BAZ1A: variants seen among roughly 807,000 people sequenced by gnomAD.
The protein encoded by BAZ1A is bromodomain adjacent to zinc finger domain 1A.
BAZ1A carries 50 observed loss-of-function variants against 185.2 expected under a neutral mutation model. The observed-to-expected ratio is 0.27, with a 90% CI of 0.22 to 0.34. BAZ1A has a LOEUF of 0.34. Ranked by LOEUF, BAZ1A falls within the 10% of genes least tolerant of loss-of-function variation. The pLI is 1.00. For synonymous variants in BAZ1A, 571 were observed against 615.6 expected (o/e 0.93, Z 1.07); for missense variants, 1,356 against 1,839.9 (o/e 0.74, Z 4.81).
chr14:34,753,371 T>C lies in BAZ1A; in HGVS notation c.*137A>G, dbSNP rs1006157862. 1 of 811,506 alleles carries C rather than the reference T, an allele frequency of 1.2e-6. No individual in the cohort carries two copies. Among genetic ancestry groups the C allele is most frequent in the Admixed American group, 2.6e-5 (1 of 38,448 alleles). The allele number at this position is 811,506 out of a possible 1,614,324, so 50.3% of individuals were successfully genotyped here. ...TTCCTACATTCTCCTGAGTGCTTAATATTAAAATTGAGAATATAGTGCAGG... is the reference window on the plus strand; with the variant it reads ...TTCCTACATTCTCCTGAGTGCTTAACATTAAAATTGAGAATATAGTGCAGG... On this transcript the variant is annotated 3_prime_UTR_variant, in exon 27 of 27. Transcript: ENST00000360310.
chr14:34,870,627 T>G (rs1324658482), intron 2 of BAZ1A, among the ~76,000 whole-genome samples: 1 of 152,200 alleles, frequency 6.6e-6, no homozygotes, highest in African/African-American at 2.4e-5. Flanking sequence ...GGCAGCCAGT[T>G]TAAATTCCAG....
intron 4 of BAZ1A, among the ~76,000 whole-genome samples, chr14:34,822,296 A>AAAAAC (rs1307120474): frequency 2.6e-5 from 4 of 152,110 alleles, no homozygotes; most frequent in Admixed American, 2.0e-4. Context: ...TCTGTCTCAA[A>AAAAAC]AAAACAAAAC....
chr14:34,852,253 A>G (rs574841593), intron 3 of BAZ1A, among the ~76,000 whole-genome samples: 1 of 152,338 alleles, frequency 6.6e-6, no homozygotes, highest in Admixed American at 6.5e-5. Flanking sequence ...CAATAGGGGA[A>G]TTTGATTCCA....
chr14:34,768,868 T>A (rs968023589), intron 21 of BAZ1A: 11 of 265,546 alleles, frequency 4.1e-5, no homozygotes, highest in Non-Finnish European at 7.4e-5. Flanking sequence ...AATAACAGAA[T>A]TATCAATCTT....
intron 3 of BAZ1A, among the ~76,000 whole-genome samples, chr14:34,852,260 T>G (rs768044098): frequency 2.0e-5 from 3 of 152,200 alleles, no homozygotes; most frequent in Non-Finnish European, 2.9e-5. Flanking sequence ...GGAATTTGAT[T>G]CCAAGTTGTA....
intron 3 of BAZ1A, among the ~76,000 whole-genome samples, chr14:34,857,689 T>C (rs2042704814): frequency 6.6e-6 from 1 of 152,252 alleles, no homozygotes; most frequent in Non-Finnish European, 1.5e-5. Context: ...AAGCCTGTTG[T>C]AGTAGCCTCC....
At chr14:34,758,960 C>A in intron 24 of BAZ1A, 114 bp from the exon 25 acceptor site, 1 of 986,344 alleles carries the variant, frequency 1.0e-6, no homozygotes, top group Non-Finnish European at 1.5e-6. Flanking sequence ...ACTCCGTACA[C>A]TGAGATGTTA....
At chr14:34,825,900 T>A (rs1277004885) in intron 4 of BAZ1A, 113 bp downstream of exon 4, 1 of 1,079,754 alleles carries the variant, frequency 9.3e-7, no homozygotes, top group Non-Finnish European at 1.3e-6. Context: ...ATCGAGCCAC[T>A]GTACTCCAGC....
At chr14:34,810,652 G>C (rs184569674) in intron 5 of BAZ1A, among the ~76,000 whole-genome samples, 2 of 151,798 alleles carry the variant, frequency 1.3e-5, no homozygotes, top group Non-Finnish European at 2.9e-5. Context: ...TAGAGACAGG[G>C]TCTTGCCACG....
intron 4 of BAZ1A, among the ~76,000 whole-genome samples, chr14:34,820,250 C>T (rs888753703): frequency 7.3e-5 from 11 of 151,472 alleles, no homozygotes; most frequent in African/African-American, 2.7e-4. Flanking sequence ...CTCAGCCTCC[C>T]GAGTAGCTGG....
intron 3 of BAZ1A, among the ~76,000 whole-genome samples, chr14:34,853,765 C>T (rs138908172): frequency 0.022 from 3,276 of 152,092 alleles, 135 homozygotes; most frequent in African/African-American, 0.075. Context: ...CCAGCCAGGG[C>T]GACAGAGCAA....
At chr14:34,820,264 T>C (rs1244867454) in intron 4 of BAZ1A, among the ~76,000 whole-genome samples, 1 of 151,422 alleles carries the variant, frequency 6.6e-6, no homozygotes, top group Non-Finnish European at 1.5e-5. Context: ...TAGCTGGGAC[T>C]ACAGGCACAC....
At position 34,753,551 on chromosome 14, in the gene BAZ1A, T is replaced by G. The variant is rs377354002; in HGVS notation, c.4628A>C (p.Asp1543Ala). 8.7e-6 allele frequency: 14 copies of G among 1,613,992 alleles called. No homozygotes were observed. The highest frequency in any genetic ancestry group is 1.2e-5 in the Non-Finnish European group (14 of 1,180,016). Residue 1543 changes from aspartate (D) to alanine (A), a missense_variant, in exon 27 of 27, where the codon GAC becomes GCC. Physicochemically the swap from Asp to Ala is moderately radical, Grantham distance 126. Around this residue, in one of 7 missense-constraint regions of BAZ1A, gnomAD observed 25 missense variants for 20.1 expected, o/e 1.24. Transcript: ENST00000360310. ...CGCAGCCGGTGGTGTGCTAACTTGG[T>G]CCACATTACTGGGTGTGACGTGGAG... is the stretch of plus-strand genomic sequence containing the variant. ...LGLHVTPSNV[D>A]QVSTPPAAKK...
At chr14:34,806,392 C>T (rs1186073875) in intron 6 of BAZ1A, among the ~76,000 whole-genome samples, 1 of 152,028 alleles carries the variant, frequency 6.6e-6, no homozygotes, top group Non-Finnish European at 1.5e-5. Context: ...ATTACTTTAT[C>T]ACCCAGGTTT....
chr14:34,758,265 A>AGTG, intron 25 of BAZ1A, among the ~76,000 whole-genome samples: 1 of 151,856 alleles, frequency 6.6e-6, no homozygotes. Flanking sequence ...TGGGCGACAG[A>AGTG]AACCCTGTCT....
At chr14:34,787,863 T>C (rs1203847420) in intron 12 of BAZ1A, among the ~76,000 whole-genome samples, 1 of 152,180 alleles carries the variant, frequency 6.6e-6, no homozygotes, top group African/African-American at 2.4e-5. Flanking sequence ...AATACATAGA[T>C]TGATCAAAAT....
rs77907739 is a variant in BAZ1A at position 34,842,556 on chromosome 14, A to G, written c.393-16400T>C. Among the ~76,000 whole-genome samples, 934 of 152,328 alleles carry G rather than the reference A, an allele frequency of 6.1e-3. 16 individuals are homozygous for G. The highest frequency in any genetic ancestry group is 0.022 in the African/African-American group (903 of 41,576). ...CAACAACATAACCTGAATCATTAAG[A>G]GCGAATGATTAAAAGCTTAATCTGA... On this transcript the variant is annotated intron_variant, in intron 3 of 26. Coordinates refer to ENST00000360310, the MANE Select transcript of BAZ1A (RefSeq NM_013448.3).
intron 3 of BAZ1A, among the ~76,000 whole-genome samples, chr14:34,834,957 G>A (rs1302669023): frequency 1.3e-5 from 2 of 150,506 alleles, no homozygotes; most frequent in African/African-American, 2.5e-5. Context: ...TAGCATTCAT[G>A]TGTGCCAGAT....
chr14:34,810,535 AG>A (rs2041915325), intron 5 of BAZ1A, among the ~76,000 whole-genome samples: 1 of 152,246 alleles, frequency 6.6e-6, no homozygotes, highest in Non-Finnish European at 1.5e-5. Context: ...TCTCATGAAA[AG>A]TACTTCATAA....
Sources: allele counts gnomAD v4.1 joint callset (sites outside exome capture counted in the v4.1 genomes callset), GRCh38; gene constraint gnomAD v4.1.1; regional missense constraint gnomAD v4.1.1; transcripts MANE v1.5; gene names NCBI Gene and HGNC (gene_info 2026-07-23, HGNC 2026-07-21).